RAPGEF4: variants seen among roughly 807,000 people sequenced by gnomAD.
RAPGEF4 encodes the protein RAP guanine-nucleotide-exchange factor (GEF) 4.
In RAPGEF4, 66 loss-of-function variants were observed where a neutral mutation model predicts 147.9. That is an observed-to-expected ratio of 0.45 (90% CI 0.37 to 0.55). RAPGEF4 has a LOEUF of 0.55. Ranked by LOEUF, RAPGEF4 falls within the 20% of genes least tolerant of loss-of-function variation. RAPGEF4 has a pLI of 0.00. For missense variants in RAPGEF4, 1,071 were observed against 1,257.3 expected (o/e 0.85, Z 2.24); for synonymous variants, 419 against 442.7 (o/e 0.95, Z 0.67).
At chr2:172,794,911 T>A in intron 1 of RAPGEF4, 114 bp from the exon 2 acceptor site, 2 of 1,053,238 alleles carry the variant, frequency 1.9e-6, no homozygotes, top group Non-Finnish European at 2.8e-6. Flanking sequence ...TGCAATGAAA[T>A]ATTCACAAGT....
chr2:172,838,324 T>C (rs1574997859), intron 4 of RAPGEF4, among the ~76,000 whole-genome samples: 1 of 152,154 alleles, frequency 6.6e-6, no homozygotes, highest in East Asian at 1.9e-4. Flanking sequence ...AGAGTCATGG[T>C]AATGGGCCAT....
At chr2:172,790,228 G>A (rs184645067) in intron 1 of RAPGEF4, among the ~76,000 whole-genome samples, 81 of 151,950 alleles carry the variant, frequency 5.3e-4, no homozygotes, top group Admixed American at 1.6e-3. Context: ...TTTCATATCC[G>A]TTGGCCATTT....
At chr2:172,746,614 T>C (rs1202401061) in intron 1 of RAPGEF4, among the ~76,000 whole-genome samples, 1 of 151,810 alleles carries the variant, frequency 6.6e-6, no homozygotes, top group African/African-American at 2.4e-5. Flanking sequence ...AATATTACTT[T>C]TTTCTTTTTT....
intron 3 of RAPGEF4, among the ~76,000 whole-genome samples, chr2:172,807,181 C>T (rs1687581656): frequency 6.6e-6 from 1 of 152,200 alleles, no homozygotes. Context: ...TATTGAGCAT[C>T]CTGCATCCTG....
chr2:172,803,345 T>G (rs1687161968), intron 3 of RAPGEF4, among the ~76,000 whole-genome samples: 1 of 152,216 alleles, frequency 6.6e-6, no homozygotes, highest in African/African-American at 2.4e-5. Context: ...TCTGTACATC[T>G]GCAGGCTCAA....
chr2:172,939,242 G>C (rs543806990), intron 6 of RAPGEF4, among the ~76,000 whole-genome samples: 1 of 152,294 alleles, frequency 6.6e-6, no homozygotes, highest in East Asian at 1.9e-4. Context: ...CTGCCAAACT[G>C]TCTTCCAAAG....
intron 6 of RAPGEF4, among the ~76,000 whole-genome samples, chr2:172,950,625 G>A (rs1688119961): frequency 6.6e-6 from 1 of 152,074 alleles, no homozygotes; most frequent in African/African-American, 2.4e-5. Context: ...TAGAAAGTTT[G>A]AAGTGTGTTA....
At chr2:172,887,242 G>C (rs928346642) in intron 4 of RAPGEF4, among the ~76,000 whole-genome samples, 3 of 151,764 alleles carry the variant, frequency 2.0e-5, no homozygotes, top group African/African-American at 7.3e-5. Context: ...TCAGGGTATA[G>C]TGAAGTAAAG....
chr2:172,965,518 A>G (rs1163845360), intron 8 of RAPGEF4, 44 bp from the exon 9 acceptor site: 1 of 1,596,264 alleles, frequency 6.3e-7, no homozygotes, highest in Non-Finnish European at 8.6e-7. Flanking sequence ...CCTCTATCTG[A>G]AAAGGGGTGA....
chr2:172,789,151 TC>T (rs1325135124), intron 1 of RAPGEF4, among the ~76,000 whole-genome samples: 1 of 152,158 alleles, frequency 6.6e-6, no homozygotes, highest in Non-Finnish European at 1.5e-5. Flanking sequence ...CTCCTTCCAT[TC>T]TTGTTTAAAT....
intron 19 of RAPGEF4, 42 bp from the exon 20 acceptor site, chr2:173,017,132 T>C: frequency 1.3e-6 from 2 of 1,575,516 alleles, no homozygotes; most frequent in Non-Finnish European, 1.7e-6. Context: ...AATTTAATAG[T>C]AGCAATGGTA....
chr2:172,949,826 A>G (rs1688032102), intron 6 of RAPGEF4, among the ~76,000 whole-genome samples: 1 of 152,212 alleles, frequency 6.6e-6, no homozygotes, highest in African/African-American at 2.4e-5. Flanking sequence ...ATTACATAAC[A>G]TGGTAAATCA....
At chr2:172,944,712 C>G (rs1290591779) in intron 6 of RAPGEF4, among the ~76,000 whole-genome samples, 2 of 152,162 alleles carry the variant, frequency 1.3e-5, no homozygotes, top group Admixed American at 6.5e-5. Flanking sequence ...AACATTTCCC[C>G]TTTCTCGAAG....
intron 4 of RAPGEF4, among the ~76,000 whole-genome samples, chr2:172,846,584 A>C (rs1256915219): frequency 2.0e-5 from 3 of 152,218 alleles, no homozygotes; most frequent in African/African-American, 4.8e-5. Flanking sequence ...GCCAAAAAAA[A>C]GTCCCAGTGG....
intron 4 of RAPGEF4, among the ~76,000 whole-genome samples, chr2:172,823,604 TTCCACTC>T (rs1689336187): frequency 6.6e-6 from 1 of 152,156 alleles, no homozygotes; most frequent in Non-Finnish European, 1.5e-5. Flanking sequence ...TGGGGCCAAA[TTCCACTC>T]CTGAGTCGTC....
chr2:172,886,620 G>T (rs1697249507), intron 4 of RAPGEF4, among the ~76,000 whole-genome samples: 1 of 151,908 alleles, frequency 6.6e-6, no homozygotes, highest in Admixed American at 6.5e-5. Flanking sequence ...AACATTTCCA[G>T]ACCTGGAGTG....
chr2:173,050,748 A>G (rs1272773474), intron 30 of RAPGEF4, among the ~76,000 whole-genome samples: 1 of 85,214 alleles, frequency 1.2e-5, no homozygotes, highest in African/African-American at 4.7e-5. Flanking sequence ...CAGATTTCCC[A>G]TTTCTTAACA....
At chr2:172,884,811 G>C (rs1216263552) in intron 4 of RAPGEF4, among the ~76,000 whole-genome samples, 1 of 152,218 alleles carries the variant, frequency 6.6e-6, no homozygotes, top group Non-Finnish European at 1.5e-5. Flanking sequence ...CTTCAGTTTA[G>C]CAGAGTTTTG....
intron 1 of RAPGEF4, among the ~76,000 whole-genome samples, chr2:172,770,346 C>G (rs1368938649): frequency 6.6e-6 from 1 of 152,144 alleles, no homozygotes; most frequent in East Asian, 1.9e-4. Context: ...TACCCCACTG[C>G]CTATGGAGAT....
Sources: gnomAD v4.1 joint callset for allele counts (sites outside exome capture counted in the v4.1 genomes callset) on GRCh38, gnomAD v4.1.1 for gene constraint, MANE v1.5 for transcripts, NCBI Gene and HGNC (gene_info 2026-07-23, HGNC 2026-07-21) for gene names.